BCL2L11: variants seen among roughly 807,000 people sequenced by gnomAD.
The protein encoded by BCL2L11 is bcl-2-like protein 11.
Under a neutral mutation model 20.6 loss-of-function variants are expected in BCL2L11, and 15 were observed. The ratio of observed to expected loss-of-function variants is 0.73; its 90% CI spans 0.49 to 1.12. The LOEUF (loss-of-function observed/expected upper bound fraction) is 1.12, where lower values mean the gene tolerates loss of function less well. Ranked by LOEUF, BCL2L11 falls within the 50% of genes most tolerant of loss-of-function variation. The pLI is 0.00. For missense variants in BCL2L11, 292 were observed against 260.9 expected, an observed-to-expected ratio of 1.12 and a Z score of -0.82; for synonymous variants, 108 against 92.8, an observed-to-expected ratio of 1.16 and a Z score of -0.94.
intron 2 of BCL2L11, among the ~76,000 whole-genome samples, chr2:111,131,017 G>A (rs2073841431): frequency 6.6e-6 from 1 of 152,128 alleles, no homozygotes. Flanking sequence ...TCGATATTTT[G>A]TTGAGAGTAT....
At chr2:111,164,061 A>T in intron 3 of BCL2L11, 72 bp from the exon 4 acceptor site, 1 of 929,560 alleles carries the variant, frequency 1.1e-6, no homozygotes, top group Non-Finnish European at 1.8e-6. Flanking sequence ...TTGTTCACTT[A>T]AATATGGGCT....
In BCL2L11 at chr2:111,167,820, GCTT is replaced by G. The variant is rs1324242817; in HGVS notation, c.*3594_*3596del. The G allele has an allele frequency of 6.5e-6, 1 of 152,846 alleles. No homozygotes were observed. Among genetic ancestry groups the G allele is most frequent in the African/African-American group, 2.4e-5 (1 of 41,464 alleles). 9.5% of individuals were successfully genotyped at this position (152,846 alleles called of 1,614,324 possible). A position where few individuals can be genotyped will look rare whatever the true frequency, so the allele number is the denominator to read the frequency against. On this transcript the variant is annotated 3_prime_UTR_variant, in exon 4 of 4. Transcript: ENST00000393256. ...TACGGTCACTGCATTTGGTCAGCCT[GCTT>G]CTTCAGGTCGATGCCCTCCTTCTGA...
chr2:111,164,189 A>G lies in BCL2L11; in HGVS notation c.555A>G (p.Arg185=). 3.7e-6 allele frequency: 6 copies of G among 1,613,414 alleles called. No homozygotes were observed. Among genetic ancestry groups the G allele is most frequent in the Non-Finnish European group, 4.2e-6 (5 of 1,179,414 alleles). Reference sequence around the variant, plus strand: ...ACCACCCACGAATGGTTATCTTACGACTGTTACGTTACATTGTCCGCCTGG... The same window carrying G: ...ACCACCCACGAATGGTTATCTTACGGCTGTTACGTTACATTGTCCGCCTGG... The part of the protein sequence containing the change: ...AEDHPRMVIL[R]LLRYIVRLVW... Residue 185 remains arginine (R), a synonymous_variant, in exon 4 of 4, where the codon CGA becomes CGG. Coordinates refer to ENST00000393256, the MANE Select transcript of BCL2L11 (RefSeq NM_138621.5).
chr2:111,137,183 A>G (rs565246025), intron 2 of BCL2L11, among the ~76,000 whole-genome samples: 2 of 152,320 alleles, frequency 1.3e-5, no homozygotes, highest in South Asian at 4.1e-4. Context: ...TGCCAGTTGA[A>G]TGCTGTACAT....
rs1310612657 is a variant in BCL2L11 at position 111,122,614 on chromosome 2, C to A, written c.-13-1119C>A. 1.4e-5 allele frequency: 14 copies of A among 984,442 alleles called. 1 individual carries two copies. The highest frequency in any genetic ancestry group is 1.2e-4 in the Admixed American group (2 of 16,060). The allele number at this position is 984,442 out of a possible 1,614,324, so 61.0% of individuals were successfully genotyped here. A position where few individuals can be genotyped will look rare whatever the true frequency, so the allele number is the denominator to read the frequency against. On this transcript the variant is annotated intron_variant, in intron 1 of 3. Transcript: ENST00000393256. ...GGGAGGTCGGCGGTGCCGGCGGCGGCGGGCGCAGAGCGCGAGGGGAGGAGC... is the reference window on the plus strand; with the variant it reads ...GGGAGGTCGGCGGTGCCGGCGGCGGAGGGCGCAGAGCGCGAGGGGAGGAGC...
chr2:111,145,920 CTTTTTTTTTTT>C (rs58738963), intron 2 of BCL2L11: 144 of 733,754 alleles, frequency 2.0e-4, no homozygotes, highest in Non-Finnish European at 2.2e-4. Context: ...TAGTGGCTTT[CTTTTTTTTTTT>C]TTTTTTTTTG....
At chr2:111,132,423 T>C (rs2074118281) in intron 2 of BCL2L11, among the ~76,000 whole-genome samples, 1 of 152,206 alleles carries the variant, frequency 6.6e-6, no homozygotes, top group Non-Finnish European at 1.5e-5. Flanking sequence ...TCAAAAATAA[T>C]GGTTAGGGCT....
In BCL2L11 at chr2:111,123,090, T is replaced by G. The variant is rs2071538833; in HGVS notation, c.-13-643T>G. On this transcript the variant is annotated intron_variant, in intron 1 of 3. Transcript: ENST00000393256. ...ATTTAGAGATGTGCACCTCACGGTG[T>G]GCACCTCAGAGAAGTTCTGTCTGAT... 4 of 976,212 alleles carry G rather than the reference T, an allele frequency of 4.1e-6. No homozygotes were observed. In the Admixed American group the frequency reaches 1.8e-4, roughly 45 times the overall value. The allele number at this position is 976,212 out of a possible 1,614,324, so 60.5% of individuals were successfully genotyped here. A position where few individuals can be genotyped will look rare whatever the true frequency, so the allele number is the denominator to read the frequency against.
rs778454802 is a variant in BCL2L11, at chr2:111,123,697, TGCTTAAAATAATCTTAG to T, written c.-13-35_-13-19del. 1.4e-6 allele frequency: 2 copies of T among 1,380,474 alleles called. No individual in the cohort carries two copies. Among genetic ancestry groups the T allele is most frequent in the South Asian group, 4.4e-5 (2 of 45,962 alleles). 85.5% of individuals were successfully genotyped at this position (1,380,474 alleles called of 1,614,324 possible). ...TTGTTTATTCATCGATTTTTTTTTT[TGCTTAAAATAATCTTAG>T]TTTTTATTTTACTTGCAGAAAAAAA... On this transcript the variant is annotated intron_variant, in intron 1 of 3. Transcript: ENST00000393256.
chr2:111,128,550 C>G (rs1397962798), intron 2 of BCL2L11: 4 of 1,418,388 alleles, frequency 2.8e-6, no homozygotes, highest in Non-Finnish European at 2.7e-6. Context: ...TGCCATTTTA[C>G]ATTCCCACCA....
intron 1 of BCL2L11, chr2:111,123,176 G>A: frequency 1.0e-6 from 1 of 985,480 alleles, no homozygotes; most frequent in Non-Finnish European, 1.2e-6. Context: ...GAGCGCCAGA[G>A]CCGGGCCGAG....
chr2:111,136,450 C>G (rs1288383772), intron 2 of BCL2L11, among the ~76,000 whole-genome samples: 1 of 152,134 alleles, frequency 6.6e-6, no homozygotes, highest in Non-Finnish European at 1.5e-5. Flanking sequence ...GGAGATGGCT[C>G]CTCCACCTTA....
intron 3 of BCL2L11, among the ~76,000 whole-genome samples, chr2:111,151,189 T>A (rs113657034): frequency 4.2e-4 from 64 of 152,288 alleles, no homozygotes; most frequent in African/African-American, 1.5e-3. Context: ...GGTGTGAGCC[T>A]CTGCGCCTGG....
At chr2:111,142,059 CACTGGGCA>C (rs2075909510) in intron 2 of BCL2L11, among the ~76,000 whole-genome samples, 1 of 152,172 alleles carries the variant, frequency 6.6e-6, no homozygotes, top group Non-Finnish European at 1.5e-5. Context: ...GATACAGACT[CACTGGGCA>C]GCAGCCGTGT....
At chr2:111,162,387 C>T (rs932526498) in intron 3 of BCL2L11, among the ~76,000 whole-genome samples, 4 of 152,186 alleles carry the variant, frequency 2.6e-5, no homozygotes, top group African/African-American at 9.7e-5. Flanking sequence ...GCCAAAATTT[C>T]CTGCATTTTC....
At chr2:111,138,369 G>C (rs1368854210) in intron 2 of BCL2L11, among the ~76,000 whole-genome samples, 1 of 152,164 alleles carries the variant, frequency 6.6e-6, no homozygotes, top group Non-Finnish European at 1.5e-5. Flanking sequence ...CTAGTATTAT[G>C]TTTATAATCA....
chr2:111,142,890 G>A (rs2076037235), intron 2 of BCL2L11, among the ~76,000 whole-genome samples: 1 of 152,070 alleles, frequency 6.6e-6, no homozygotes. Context: ...TTCAAATTAA[G>A]CATTTTAATT....
At chr2:111,135,217 A>G (rs1006749159) in intron 2 of BCL2L11, among the ~76,000 whole-genome samples, 8 of 151,960 alleles carry the variant, frequency 5.3e-5, no homozygotes, top group African/African-American at 1.2e-4. Flanking sequence ...AGTAAATTCT[A>G]TTGATTTTGC....
At chr2:111,138,806 G>A (rs1194191962) in intron 2 of BCL2L11, among the ~76,000 whole-genome samples, 1 of 152,168 alleles carries the variant, frequency 6.6e-6, no homozygotes, top group African/African-American at 2.4e-5. Context: ...GGGCGGAGCA[G>A]TGAGTCTGTC....
Sources: allele counts gnomAD v4.1 joint callset (sites outside exome capture counted in the v4.1 genomes callset), GRCh38; gene constraint gnomAD v4.1.1; transcripts MANE v1.5; gene names NCBI Gene and HGNC (gene_info 2026-07-23, HGNC 2026-07-21).